FTO: variants seen among roughly 807,000 people sequenced by gnomAD.
The protein encoded by FTO is FTO alpha-ketoglutarate dependent dioxygenase.
FTO carries 47 observed loss-of-function variants against 63.9 expected under a neutral mutation model. The observed-to-expected ratio is 0.74, with a 90% CI of 0.58 to 0.94. FTO has a LOEUF of 0.94. Among genes scored for constraint, FTO ranks in the 40% least tolerant of loss-of-function variants. FTO has a pLI of 0.00. For synonymous variants in FTO, 207 were observed against 224.4 expected (o/e 0.92, Z 0.69); for missense variants, 562 against 618.1 (o/e 0.91, Z 0.96).
chr16:54,038,025 A>C (rs921030484), intron 8 of FTO, among the ~76,000 whole-genome samples: 1 of 152,228 alleles, frequency 6.6e-6, no homozygotes, highest in African/African-American at 2.4e-5. Flanking sequence ...CTTGTGCAGG[A>C]AGGTGAACTT....
intron 8 of FTO, among the ~76,000 whole-genome samples, chr16:54,007,637 A>G (rs1567512975): frequency 1.3e-5 from 2 of 152,244 alleles, no homozygotes; most frequent in African/African-American, 4.8e-5. Context: ...GATCACTGGC[A>G]ACAGAGACAT....
intron 8 of FTO, among the ~76,000 whole-genome samples, chr16:53,946,804 C>T (rs1238000043): frequency 1.3e-5 from 2 of 152,162 alleles, no homozygotes; most frequent in East Asian, 1.9e-4. Flanking sequence ...TCTTTCCTAC[C>T]AGAATACGGG....
chr16:53,827,789 C>T (rs1007258710), intron 3 of FTO, among the ~76,000 whole-genome samples: 14 of 152,168 alleles, frequency 9.2e-5, no homozygotes, highest in African/African-American at 3.4e-4. Context: ...ATGGAAAGAA[C>T]GGAGATCCTC....
At chr16:53,820,627 C>A (rs561718424) in intron 2 of FTO, among the ~76,000 whole-genome samples, 1 of 146,020 alleles carries the variant, frequency 6.8e-6, no homozygotes, top group South Asian at 2.3e-4. Context: ...TATCCCTCCC[C>A]CTCCCCCCAC....
Position 53,987,922 on chromosome 16 carries a change from A to G in FTO, c.1364+53813A>G, listed in dbSNP as rs113213446. 8.5e-3 allele frequency among the ~76,000 whole-genome samples: 1,297 copies of G among 152,356 alleles called. 24 individuals are homozygous for G. Among genetic ancestry groups the G allele is most frequent in the African/African-American group, 0.03 (1,238 of 41,582 alleles). Reference sequence around the variant, plus strand: ...GCAATTGTTAGAAAGTATTATTAGTATATTAGTCTGAAAACAGCATAAGCA... The same window carrying G: ...GCAATTGTTAGAAAGTATTATTAGTGTATTAGTCTGAAAACAGCATAAGCA... On this transcript the variant is annotated intron_variant, in intron 8 of 8. Transcript: ENST00000471389.
intron 8 of FTO, among the ~76,000 whole-genome samples, chr16:54,068,525 G>A (rs1223026807): frequency 1.3e-5 from 2 of 152,118 alleles, no homozygotes; most frequent in Non-Finnish European, 2.9e-5. Context: ...CCATGGCTGA[G>A]GTTATGAATG....
chr16:53,832,587 G>A (rs1235640589), intron 3 of FTO, among the ~76,000 whole-genome samples: 6 of 151,960 alleles, frequency 3.9e-5, no homozygotes, highest in Non-Finnish European at 8.8e-5. Context: ...AGATGAGTTG[G>A]CATTTTCTAG....
chr16:53,955,333 T>A (rs1486186189), intron 8 of FTO, among the ~76,000 whole-genome samples: 1 of 152,098 alleles, frequency 6.6e-6, no homozygotes, highest in African/African-American at 2.4e-5. Flanking sequence ...GGCAGGAGGC[T>A]GACTAAAAAT....
At position 53,834,085 on chromosome 16, in the gene FTO, C is replaced by T. The variant is rs537741005; in HGVS notation, c.751+7594C>T. Among the ~76,000 whole-genome samples, 158 of 151,888 alleles carry T rather than the reference C, an allele frequency of 1.0e-3. 2 individuals are homozygous for T. Among genetic ancestry groups the T allele is most frequent in the African/African-American group, 3.7e-3 (153 of 41,398 alleles). On this transcript the variant is annotated intron_variant, in intron 3 of 8. Transcript: ENST00000471389. Reference sequence around the variant, plus strand: ...TGTCACCCAGGCTGGAGTGCAGTGGCGCGATCTCAGCTCCCTGCAAGCTCC... The same window carrying T: ...TGTCACCCAGGCTGGAGTGCAGTGGTGCGATCTCAGCTCCCTGCAAGCTCC...
chr16:53,905,111 G>A (rs1255836293), intron 7 of FTO, among the ~76,000 whole-genome samples: 2 of 151,906 alleles, frequency 1.3e-5, no homozygotes, highest in African/African-American at 4.8e-5. Flanking sequence ...CAGGAGTTGG[G>A]GGCCTTACTA....
At chr16:53,838,691 T>A (rs62033436) in intron 3 of FTO, among the ~76,000 whole-genome samples, 1 of 151,786 alleles carries the variant, frequency 6.6e-6, no homozygotes, top group Non-Finnish European at 1.5e-5. Context: ...AACAAAAAAT[T>A]AGCCACGTGT....
In FTO at chr16:53,783,411, T is replaced by A. The variant is rs190447136; in HGVS notation, c.46-26729T>A. On this transcript the variant is annotated intron_variant, in intron 1 of 8. Coordinates refer to ENST00000471389, the MANE Select transcript of FTO (RefSeq NM_001080432.3). ...GCGGGTCACGAGGAGATCGAGGCCA[T>A]CCTGGCTAACACGGTGAAACCCCGT... is the stretch of plus-strand genomic sequence containing the variant. Among the ~76,000 whole-genome samples, 3 of 151,696 alleles carry A rather than the reference T, an allele frequency of 2.0e-5. No individual in the cohort carries two copies. In the East Asian group the frequency reaches 5.9e-4, roughly 30 times the overall value.
At chr16:53,804,517 A>G (rs1041806830) in intron 1 of FTO, among the ~76,000 whole-genome samples, 1 of 152,168 alleles carries the variant, frequency 6.6e-6, no homozygotes, top group Admixed American at 6.5e-5. Context: ...TTTTCGTAGG[A>G]CAAGGAATGC....
At chr16:53,969,302 T>C (rs1286613069) in intron 8 of FTO, among the ~76,000 whole-genome samples, 1 of 152,162 alleles carries the variant, frequency 6.6e-6, no homozygotes, top group Non-Finnish European at 1.5e-5. Context: ...GAAATAACTC[T>C]CTTGCCTGAA....
At chr16:54,024,606 A>T (rs1363702477) in intron 8 of FTO, among the ~76,000 whole-genome samples, 1 of 152,182 alleles carries the variant, frequency 6.6e-6, no homozygotes, top group African/African-American at 2.4e-5. Context: ...TTTGAGAATT[A>T]TCCTGACTCT....
At chr16:53,911,622 G>A in intron 7 of FTO, 2 of 631,492 alleles carry the variant, frequency 3.2e-6, no homozygotes, top group Admixed American at 2.3e-5. Context: ...GTTCCTGAGA[G>A]GAAGTGCACT....
chr16:54,106,038 G>A (rs2086743237), intron 8 of FTO, among the ~76,000 whole-genome samples: 2 of 152,280 alleles, frequency 1.3e-5, no homozygotes, highest in Non-Finnish European at 2.9e-5. Context: ...CATTTAGTCT[G>A]TGAAGTGATG....
intron 8 of FTO, among the ~76,000 whole-genome samples, chr16:54,001,398 G>A (rs1336571053): frequency 6.6e-6 from 1 of 152,120 alleles, no homozygotes; most frequent in Admixed American, 6.5e-5. Context: ...TCCGTACCAT[G>A]AATATGTTGG....
At chr16:53,864,265 A>G (rs2080248852) in intron 4 of FTO, among the ~76,000 whole-genome samples, 2 of 152,228 alleles carry the variant, frequency 1.3e-5, no homozygotes, top group Admixed American at 1.3e-4. Context: ...TGCCTTTAGC[A>G]AAAGTCATGA....
Sources: allele counts gnomAD v4.1 joint callset (sites outside exome capture counted in the v4.1 genomes callset), GRCh38; gene constraint gnomAD v4.1.1; transcripts MANE v1.5; gene names NCBI Gene and HGNC (gene_info 2026-07-23, HGNC 2026-07-21).